Variants in RPTOR observed in about 807,000 individuals in gnomAD.
RPTOR encodes the protein regulatory associated protein of MTOR complex 1.
RPTOR carries 21 observed loss-of-function variants against 169.9 expected under a neutral mutation model. The ratio of observed to expected loss-of-function variants is 0.12; its 90% CI spans 0.09 to 0.18. The LOEUF is 0.18. Ranked by LOEUF, RPTOR falls within the 10% of genes least tolerant of loss-of-function variation. The probability of loss-of-function intolerance (pLI) is 1.00; values close to 1 mark genes in which losing one functional copy is unlikely to be tolerated. For synonymous variants in RPTOR, 732 were observed against 753.2 expected (o/e 0.97, Z 0.46); for missense variants, 1,133 against 1,855.9 (o/e 0.61, Z 7.16).
intron 4 of RPTOR, among the ~76,000 whole-genome samples, chr17:80,715,829 A>T (rs2066235334): frequency 6.6e-6 from 1 of 151,926 alleles, no homozygotes; most frequent in East Asian, 1.9e-4. Context: ...TTGGTTTTCC[A>T]TTCTTGAGTT....
chr17:80,795,157 C>G (rs1008883006), intron 7 of RPTOR, among the ~76,000 whole-genome samples: 1 of 152,196 alleles, frequency 6.6e-6, no homozygotes, highest in African/African-American at 2.4e-5. Flanking sequence ...GACAACAGGC[C>G]ATGGGCCTGG....
intron 6 of RPTOR, among the ~76,000 whole-genome samples, chr17:80,756,996 T>G (rs1326018944): frequency 6.6e-6 from 1 of 151,906 alleles, no homozygotes; most frequent in Non-Finnish European, 1.5e-5. Context: ...AAGAACACAG[T>G]AGACAGGACC....
intron 7 of RPTOR, among the ~76,000 whole-genome samples, chr17:80,806,932 C>T (rs781582998): frequency 2.0e-5 from 3 of 152,120 alleles, no homozygotes; most frequent in Non-Finnish European, 4.4e-5. Flanking sequence ...CTTTTGACCA[C>T]ATGCATTAAC....
At chr17:80,591,162 CTCCCT>C (rs764322604) in intron 1 of RPTOR, among the ~76,000 whole-genome samples, 5,738 of 10,120 alleles carry the variant, frequency 0.57, 2,814 homozygotes, top group Non-Finnish European at 0.67. Context: ...CTCCCCTCCC[CTCCCT>C]TCCCTTCCCC....
intron 3 of RPTOR, among the ~76,000 whole-genome samples, chr17:80,681,652 C>G (rs374797335): frequency 5.0e-5 from 2 of 40,336 alleles, no homozygotes; most frequent in African/African-American, 1.5e-4. Flanking sequence ...GTCTCTTACA[C>G]CTTCATGAGG....
chr17:80,919,396 G>C (rs940730555), intron 21 of RPTOR, among the ~76,000 whole-genome samples: 1 of 152,122 alleles, frequency 6.6e-6, no homozygotes, highest in African/African-American at 2.4e-5. Flanking sequence ...CCAGATCCTC[G>C]ATATAAAATT....
At chr17:80,875,625 C>G (rs1482307254) in intron 13 of RPTOR, among the ~76,000 whole-genome samples, 1 of 152,232 alleles carries the variant, frequency 6.6e-6, no homozygotes, top group Admixed American at 6.5e-5. Context: ...TTCACGCTGC[C>G]GGCACCGTGC....
At chr17:80,783,626 G>A (rs578059305) in intron 6 of RPTOR, among the ~76,000 whole-genome samples, 6 of 152,332 alleles carry the variant, frequency 3.9e-5, no homozygotes, top group East Asian at 3.9e-4. Context: ...TCCAGCAGGC[G>A]CCTAAGGGGC....
At chr17:80,862,796 G>C (rs544852020) in intron 13 of RPTOR, among the ~76,000 whole-genome samples, 1 of 151,788 alleles carries the variant, frequency 6.6e-6, no homozygotes, top group African/African-American at 2.4e-5. Flanking sequence ...TGTGCAGATC[G>C]GGGTGCACAT....
chr17:80,963,891 C>T (rs2069386515), intron 33 of RPTOR, among the ~76,000 whole-genome samples: 2 of 151,928 alleles, frequency 1.3e-5, no homozygotes, highest in South Asian at 4.2e-4. Context: ...TGGTTGCAGC[C>T]TCCCCACGTG....
chr17:80,840,486 G>C (rs1236359311), intron 10 of RPTOR, among the ~76,000 whole-genome samples: 1 of 129,910 alleles, frequency 7.7e-6, no homozygotes, highest in African/African-American at 2.9e-5. Flanking sequence ...CCGCACGGCA[G>C]CTCACTCTCA....
Position 80,726,867 on chromosome 17 carries a change from C to T in RPTOR, c.508-3693C>T, listed in dbSNP as rs1434808140. Among the ~76,000 whole-genome samples, 4 of 152,192 alleles carry T rather than the reference C, an allele frequency of 2.6e-5. No homozygotes were observed. The highest frequency in any genetic ancestry group is 5.9e-5 in the Non-Finnish European group (4 of 68,026). The stretch of plus-strand genomic sequence containing the variant: ...CCTGTCAGCGTGGGGGGTGATCCTG[C>T]CCAATTAAAGGACGTCTTTTGGCCC... On this transcript the variant is annotated intron_variant, in intron 4 of 33. Transcript: ENST00000306801. This position sits in a 1 kb window ranked among gnomAD's most constrained non-coding sequence, Gnocchi z 4.5.
At chr17:80,738,634 TCTC>T (rs2066454851) in intron 5 of RPTOR, among the ~76,000 whole-genome samples, 1 of 152,174 alleles carries the variant, frequency 6.6e-6, no homozygotes, top group African/African-American at 2.4e-5. Flanking sequence ...CATACGGCAA[TCTC>T]CTACACAGCG....
intron 7 of RPTOR, among the ~76,000 whole-genome samples, chr17:80,793,063 C>T (rs1042129509): frequency 6.6e-6 from 1 of 152,164 alleles, no homozygotes; most frequent in East Asian, 1.9e-4. Context: ...CTCCCACCTC[C>T]GCTTCTCAAA....
chr17:80,908,287 A>G lies in RPTOR; in HGVS notation c.2402-524A>G, dbSNP rs1232865417. Among the ~76,000 whole-genome samples, 4 of 152,210 alleles carry G rather than the reference A, an allele frequency of 2.6e-5. No homozygotes were observed. The East Asian group carries it at 7.7e-4, about 29-fold the overall frequency. ...GGCTTAGGGACAAAAGTCACAGCAC[A>G]TCAACCTTTCGTGAAGTCCTAGCAT... On this transcript the variant is annotated intron_variant, in intron 20 of 33. Coordinates refer to ENST00000306801, the MANE Select transcript of RPTOR (RefSeq NM_020761.3).
chr17:80,591,677 CCTTT>C lies in RPTOR; in HGVS notation c.163-34006_163-34003del, dbSNP rs1306678922. ...TACAGGCTTCAGCCACCGTGTCCAG[CCTTT>C]CTTTCTTGATTAGTCTTACTAGAGC... On this transcript the variant is annotated intron_variant, in intron 1 of 33. Transcript: ENST00000306801. Among the ~76,000 whole-genome samples, 3 of 152,076 alleles carry C rather than the reference CCTTT, an allele frequency of 2.0e-5. No individual in the cohort carries two copies. In the East Asian group the frequency reaches 5.8e-4, roughly 29 times the overall value.
chr17:80,966,229 C>T lies in RPTOR; in HGVS notation c.*1899C>T, dbSNP rs1262932429. ...GTGAAAATTCAATCACGACGTTAACCGGCTCGAGAGAGCGCCGGCCTAGAG... is the reference window on the plus strand; with the variant it reads ...GTGAAAATTCAATCACGACGTTAACTGGCTCGAGAGAGCGCCGGCCTAGAG... On this transcript the variant is annotated 3_prime_UTR_variant, in exon 34 of 34. Coordinates refer to ENST00000306801, the MANE Select transcript of RPTOR (RefSeq NM_020761.3). 16 of 230,096 alleles carry T rather than the reference C, an allele frequency of 7.0e-5. No individual in the cohort carries two copies. The highest frequency in any genetic ancestry group is 5.2e-4 in the Admixed American group (9 of 17,234). 14.3% of individuals were successfully genotyped at this position (230,096 alleles called of 1,614,324 possible).
At chr17:80,890,851 A>G (rs2068313232) in intron 17 of RPTOR, among the ~76,000 whole-genome samples, 2 of 152,112 alleles carry the variant, frequency 1.3e-5, no homozygotes, top group South Asian at 4.2e-4. Context: ...TGGCCACGAG[A>G]AGACCCTGGT....
chr17:80,692,448 A>G (rs1487605372), intron 3 of RPTOR, among the ~76,000 whole-genome samples: 1 of 152,102 alleles, frequency 6.6e-6, no homozygotes, highest in African/African-American at 2.4e-5. Context: ...CAGCCTCCCA[A>G]GTAGCTGGGA....
Sources: gnomAD v4.1 joint callset for allele counts (sites outside exome capture counted in the v4.1 genomes callset) on GRCh38, gnomAD v4.1.1 for gene constraint, Gnocchi (gnomAD v3.1) non-coding constraint, MANE v1.5 for transcripts, NCBI Gene and HGNC (gene_info 2026-07-23, HGNC 2026-07-21) for gene names.